NKD1: variants seen among roughly 807,000 people sequenced by gnomAD.
NKD1 encodes the protein NKD inhibitor of Wnt signaling pathway 1.
NKD1 carries 21 observed loss-of-function variants against 56.0 expected under a neutral mutation model. That is an observed-to-expected ratio of 0.38 (90% CI 0.27 to 0.54). The LOEUF (loss-of-function observed/expected upper bound fraction) is 0.54, where lower values mean the gene tolerates loss of function less well. Ranked by LOEUF, NKD1 falls within the 20% of genes least tolerant of loss-of-function variation. NKD1 has a pLI of 0.82. For synonymous variants in NKD1, 263 were observed against 265.7 expected, an observed-to-expected ratio of 0.99 and a Z score of 0.10; for missense variants, 578 against 642.7, an observed-to-expected ratio of 0.90 and a Z score of 1.09.
chr16:50,552,559 A>C (rs1247016985), intron 3 of NKD1: 1 of 152,266 alleles, frequency 6.6e-6, no homozygotes, highest in African/African-American at 2.4e-5. Flanking sequence ...CCATGCTGGC[A>C]TTAAACTAAG....
At chr16:50,557,412 C>T (rs762853826) in intron 3 of NKD1, 17 of 152,176 alleles carry the variant, frequency 1.1e-4, no homozygotes, top group Non-Finnish European at 2.1e-4. Flanking sequence ...GGCCTTTCAT[C>T]GATTTTTCTT....
Position 50,647,927 on chromosome 16 carries a change from G to A in NKD1, c.*14146G>A, listed in dbSNP as rs1220624843. Reference sequence around the variant, plus strand: ...GGGGAACCATTCAGGGTTTGGGGCAGGTGTCAACCACAAGAACATTAAACA... The same window carrying A: ...GGGGAACCATTCAGGGTTTGGGGCAAGTGTCAACCACAAGAACATTAAACA... On this transcript the variant is annotated 3_prime_UTR_variant, in exon 10 of 10. Transcript: ENST00000268459. The A allele has an allele frequency of 6.6e-6, 1 of 152,220 alleles. No individual in the cohort carries two copies. Among genetic ancestry groups the A allele is most frequent in the East Asian group, 1.9e-4 (1 of 5,196 alleles). 9.4% of individuals were successfully genotyped at this position (152,220 alleles called of 1,614,324 possible).
chr16:50,563,292 T>C (rs527478786), intron 3 of NKD1, among the ~76,000 whole-genome samples: 7 of 152,100 alleles, frequency 4.6e-5, no homozygotes, highest in Admixed American at 3.9e-4. Context: ...CCATCCTCAG[T>C]GGGCACAGTC....
intron 3 of NKD1, among the ~76,000 whole-genome samples, chr16:50,567,296 G>GATCT (rs976938251): frequency 6.6e-6 from 1 of 152,204 alleles, no homozygotes; most frequent in African/African-American, 2.4e-5. Flanking sequence ...AAGGCCTCTG[G>GATCT]ATCTGCTGCT....
In NKD1 at chr16:50,571,322, T is replaced by C. The variant is rs536227584; in HGVS notation, c.192+21767T>C. The stretch of plus-strand genomic sequence containing the variant: ...GAGATGTGATCCGGAGAGGGGAAGG[T>C]CAGCAATGCAGCCAGGATGAGGACG... On this transcript the variant is annotated intron_variant, in intron 3 of 9. Transcript: ENST00000268459. 23 of 195,720 alleles carry C rather than the reference T, an allele frequency of 1.2e-4. No homozygotes were observed. The South Asian group carries it at 3.7e-3, about 32-fold the overall frequency. 12.1% of individuals were successfully genotyped at this position (195,720 alleles called of 1,614,324 possible).
At chr16:50,553,950 G>GT (rs1960444072) in intron 3 of NKD1, 2 of 152,464 alleles carry the variant, frequency 1.3e-5, no homozygotes, top group African/African-American at 4.8e-5. Context: ...GTGCTGGGGA[G>GT]TGGGGGGACC....
intron 6 of NKD1, among the ~76,000 whole-genome samples, chr16:50,628,129 A>T (rs770153533): frequency 2.0e-5 from 3 of 152,138 alleles, no homozygotes; most frequent in Non-Finnish European, 4.4e-5. Flanking sequence ...CACAATTTCA[A>T]TCTGGCCCCC....
At chr16:50,561,290 C>T (rs1960627526) in intron 3 of NKD1, among the ~76,000 whole-genome samples, 1 of 152,020 alleles carries the variant, frequency 6.6e-6, no homozygotes, top group East Asian at 1.9e-4. Context: ...CTGGGGGTGC[C>T]TCCAGCTTAG....
chr16:50,551,699 C>T (rs975320981), intron 3 of NKD1: 3 of 151,070 alleles, frequency 2.0e-5, no homozygotes, highest in Non-Finnish European at 4.4e-5. Context: ...TCTGGGGGAA[C>T]ATTTTAAATC....
chr16:50,591,559 A>C (rs1292438097), intron 3 of NKD1, among the ~76,000 whole-genome samples: 1 of 152,108 alleles, frequency 6.6e-6, no homozygotes, highest in African/African-American at 2.4e-5. Context: ...TGTAGCAGTA[A>C]AGTCTTTGGA....
At chr16:50,619,450 T>C (rs931731129) in intron 4 of NKD1, among the ~76,000 whole-genome samples, 6 of 152,196 alleles carry the variant, frequency 3.9e-5, no homozygotes, top group African/African-American at 1.4e-4. Flanking sequence ...TATTCCCATT[T>C]TACAGACAAG....
chr16:50,560,568 C>A (rs1050094584), intron 3 of NKD1, among the ~76,000 whole-genome samples: 1 of 151,178 alleles, frequency 6.6e-6, no homozygotes, highest in Non-Finnish European at 1.5e-5. Flanking sequence ...CTTGCTTCAG[C>A]AAGATTCAAA....
chr16:50,626,121 G>A lies in NKD1; in HGVS notation c.462+541G>A, dbSNP rs562628923. Among the ~76,000 whole-genome samples the A allele has an allele frequency of 3.3e-5, 5 of 152,290 alleles. No homozygotes were observed. In the East Asian group the frequency reaches 5.8e-4, roughly 18 times the overall value. ...CAGTCACAGCTCTGGTCACAGCCTC[G>A]TCCCAAACCTCTTCTTCCTTATCCC... is the stretch of plus-strand genomic sequence containing the variant. On this transcript the variant is annotated intron_variant, in intron 6 of 9. Transcript: ENST00000268459.
At chr16:50,601,103 C>T (rs1382035219) in intron 3 of NKD1, among the ~76,000 whole-genome samples, 2 of 152,250 alleles carry the variant, frequency 1.3e-5, no homozygotes. Context: ...TGTGCAGCCC[C>T]AGGAGCCTGT....
intron 3 of NKD1, chr16:50,574,191 A>G (rs1567338039): frequency 1.0e-6 from 1 of 984,368 alleles, no homozygotes; most frequent in Non-Finnish European, 1.2e-6. Context: ...CTACCTCACC[A>G]CTACCTCTTC....
chr16:50,603,916 C>T (rs978039555), intron 3 of NKD1, among the ~76,000 whole-genome samples: 8 of 152,178 alleles, frequency 5.3e-5, no homozygotes, highest in Non-Finnish European at 7.4e-5. Flanking sequence ...AGGAAGGTAG[C>T]ACATCTGGGC....
At chr16:50,587,882 G>A (rs1289866098) in intron 3 of NKD1, among the ~76,000 whole-genome samples, 1 of 152,252 alleles carries the variant, frequency 6.6e-6, no homozygotes, top group Non-Finnish European at 1.5e-5. Context: ...GATCCAGGTT[G>A]TGTGCTCCTT....
chr16:50,597,911 C>T (rs1180718119), intron 3 of NKD1, among the ~76,000 whole-genome samples: 3 of 152,152 alleles, frequency 2.0e-5, no homozygotes, highest in Non-Finnish European at 2.9e-5. Flanking sequence ...ATTATGTCCT[C>T]ATCTGGTGGT....
At chr16:50,596,895 G>A (rs1403041758) in intron 3 of NKD1, among the ~76,000 whole-genome samples, 2 of 152,216 alleles carry the variant, frequency 1.3e-5, no homozygotes, top group Admixed American at 6.5e-5. Context: ...CGGGTAGAGG[G>A]AACAGCGTGT....
Sources: allele counts gnomAD v4.1 joint callset (sites outside exome capture counted in the v4.1 genomes callset), GRCh38; gene constraint gnomAD v4.1.1; transcripts MANE v1.5; gene names NCBI Gene and HGNC (gene_info 2026-07-23, HGNC 2026-07-21).